MEGF8: variants seen among roughly 807,000 people sequenced by gnomAD.
The protein encoded by MEGF8 is multiple EGF like domains 8, also known as multiple epidermal growth factor-like domains protein 8.
In MEGF8, 156 loss-of-function variants were observed where a neutral mutation model predicts 302.9. The observed-to-expected ratio is 0.52, with a 90% CI of 0.45 to 0.59. The LOEUF is 0.59. Ranked by LOEUF, MEGF8 falls within the 20% of genes least tolerant of loss-of-function variation. MEGF8 has a pLI of 0.00. For synonymous variants in MEGF8, 1,621 were observed against 1,660.5 expected (o/e 0.98, Z 0.58); for missense variants, 3,345 against 3,964.5 (o/e 0.84, Z 4.20).
At position 42,357,310 on chromosome 19, in the gene MEGF8, C is replaced by T; in HGVS notation, c.4831-94C>T. Reference sequence around the variant, plus strand: ...GGGGGTCATTCCCTCCTTAGTACTTCAGGGAGGACTGTGGGGGGCTGAGGC... The same window carrying T: ...GGGGGTCATTCCCTCCTTAGTACTTTAGGGAGGACTGTGGGGGGCTGAGGC... On this transcript the variant is annotated intron_variant, in intron 27 of 41. Coordinates refer to ENST00000251268, the MANE Select transcript of MEGF8 (RefSeq NM_001271938.2). This position sits in a 1 kb window ranked among gnomAD's most constrained non-coding sequence, Gnocchi z 5.2. The T allele has an allele frequency of 6.9e-7, 1 of 1,442,762 alleles. No homozygotes were observed. Among genetic ancestry groups the T allele is most frequent in the Non-Finnish European group, 9.5e-7 (1 of 1,055,084 alleles). 89.4% of individuals were successfully genotyped at this position (1,442,762 alleles called of 1,614,324 possible). A position where few individuals can be genotyped will look rare whatever the true frequency, so the allele number is the denominator to read the frequency against.
intron 8 of MEGF8, 54 bp downstream of exon 8, chr19:42,337,260 T>C (rs1012041059): frequency 5.6e-6 from 9 of 1,609,178 alleles, no homozygotes; most frequent in Middle Eastern, 2.2e-4. Flanking sequence ...CCTCTCTCCA[T>C]AGTGATTCTG....
Position 42,344,611 on chromosome 19 carries a change from CA to C in MEGF8, c.1933+27del, listed in dbSNP as rs112308310. 1 of 1,578,738 alleles carries C rather than the reference CA, an allele frequency of 6.3e-7. No individual in the cohort carries two copies. Among genetic ancestry groups the C allele is most frequent in the Non-Finnish European group, 8.6e-7 (1 of 1,160,778 alleles). On this transcript the variant is annotated intron_variant, in intron 11 of 41. Transcript: ENST00000251268. The surrounding 1 kb of genome is among the most constrained non-coding windows in gnomAD (Gnocchi z 4.5). ...GTGAGTGTCCGCAGCAGTGGGCCGG[CA>C]GGAGGGGGCCAGAGCACTCCACACT... is the stretch of plus-strand genomic sequence containing the variant.
intron 1 of MEGF8, 55 bp from the exon 2 acceptor site, chr19:42,333,550 A>T: frequency 6.5e-7 from 1 of 1,546,552 alleles, no homozygotes; most frequent in Non-Finnish European, 8.8e-7. Context: ...GGCTGCAGGG[A>T]GGTGTGGGGA....
rs77014723 is a variant in MEGF8, at chr19:42,336,585, T to C, written c.1245-222T>C. Among the ~76,000 whole-genome samples the C allele has an allele frequency of 3.9e-5, 6 of 152,338 alleles. No individual in the cohort carries two copies. The East Asian group carries it at 7.7e-4, about 20-fold the overall frequency. On this transcript the variant is annotated intron_variant, in intron 6 of 41. Transcript: ENST00000251268. This position sits in a 1 kb window ranked among gnomAD's most constrained non-coding sequence, Gnocchi z 4.8. Reference sequence around the variant, plus strand: ...CCTTCCACACACTCCCACCCATGTATCTATTCAACAGAGCCCTGCTTGGTG... The same window carrying C: ...CCTTCCACACACTCCCACCCATGTACCTATTCAACAGAGCCCTGCTTGGTG...
At position 42,370,406 on chromosome 19, in the gene MEGF8, G is replaced by A. The variant is rs749317066; in HGVS notation, c.7005+47G>A. The stretch of plus-strand genomic sequence containing the variant: ...CCTGGGTCTGAGGGAGGAGGGGCTG[G>A]GGAGCTCCTGGGTCTGAGGGAGGAG... On this transcript the variant is annotated intron_variant, in intron 39 of 41. Transcript: ENST00000251268. 6.1e-6 allele frequency: 9 copies of A among 1,476,622 alleles called. No individual in the cohort carries two copies. The South Asian group carries it at 6.1e-5, about 10-fold the overall frequency. The allele number at this position is 1,476,622 out of a possible 1,614,324, so 91.5% of individuals were successfully genotyped here.
rs371400078 is a variant in MEGF8 at position 42,330,570 on chromosome 19, G to C, written c.188-3035G>C. On this transcript the variant is annotated intron_variant, in intron 1 of 41. Transcript: ENST00000251268. ...GGGGCTCTGGTTAGAGCCTGAGGGA[G>C]AGCTTCCAGCTTTAGTATTCTGTCT... Among the ~76,000 whole-genome samples, 81 of 152,318 alleles carry C rather than the reference G, an allele frequency of 5.3e-4. 1 individual carries two copies. In the South Asian group the frequency reaches 0.016, roughly 30 times the overall value.
intron 7 of MEGF8, 48 bp from the exon 8 acceptor site, chr19:42,337,036 C>T (rs781463411): frequency 2.5e-6 from 4 of 1,612,724 alleles, no homozygotes; most frequent in Non-Finnish European, 3.4e-6. Flanking sequence ...GGGGAGTCCC[C>T]CCACCTCCCC....
At chr19:42,334,577 C>T (rs1031691075) in intron 3 of MEGF8, among the ~76,000 whole-genome samples, 5 of 152,130 alleles carry the variant, frequency 3.3e-5, no homozygotes, top group Non-Finnish European at 2.9e-5. Flanking sequence ...GACCTTACGC[C>T]GAAGCTGTGT....
intron 15 of MEGF8, 83 bp downstream of exon 15, chr19:42,350,467 G>A: frequency 1.6e-6 from 2 of 1,277,048 alleles, no homozygotes; most frequent in Admixed American, 2.9e-5. Flanking sequence ...CCCTGGTGGG[G>A]GGTGTGGGGG....
chr19:42,347,209 C>G (rs950242602), intron 12 of MEGF8, among the ~76,000 whole-genome samples: 1 of 151,794 alleles, frequency 6.6e-6, no homozygotes, highest in African/African-American at 2.4e-5. Flanking sequence ...GACATCATAT[C>G]ATTTTTCTTT....
rs776680225 is a variant in MEGF8 at position 42,362,188 on chromosome 19, G to A, written c.5819G>A (p.Arg1940Gln). The A allele has an allele frequency of 2.5e-5, 40 of 1,610,498 alleles. No individual in the cohort carries two copies. Among genetic ancestry groups the A allele is most frequent in the Non-Finnish European group, 3.3e-5 (39 of 1,179,090 alleles). The change falls in exon 33 of 42, where the codon CGG becomes CAG. Residue 1940 changes from arginine to glutamine, a missense_variant. Coordinates refer to ENST00000251268, the MANE Select transcript of MEGF8 (RefSeq NM_001271938.2). Reference sequence around the variant, plus strand: ...AGTGAGTGCCTGGCCCGCCATCCTCGGACCCTGCAACCTGGAGATGGAGAG... The same window carrying A: ...AGTGAGTGCCTGGCCCGCCATCCTCAGACCCTGCAACCTGGAGATGGAGAG... ...TCSECLARHP[R>Q]TLQPGDGEAS...
At position 42,369,111 on chromosome 19, in the gene MEGF8, G is replaced by C. The variant is rs978560724; in HGVS notation, c.6641+109G>C. ...AGCAGGACAGAAGAAAAGAAAGCTC[G>C]AGGCATGAAGGCAGTGGGATTGATT... On this transcript the variant is annotated intron_variant, in intron 37 of 41. Transcript: ENST00000251268. The surrounding 1 kb of genome is among the most constrained non-coding windows in gnomAD (Gnocchi z 5.7). The C allele has an allele frequency of 7.3e-7, 1 of 1,378,740 alleles. No homozygotes were observed. Among genetic ancestry groups the C allele is most frequent in the African/African-American group, 1.4e-5 (1 of 69,344 alleles). The allele number at this position is 1,378,740 out of a possible 1,614,324, so 85.4% of individuals were successfully genotyped here.
In MEGF8 at chr19:42,357,234, A is replaced by G. The variant is rs552173880; in HGVS notation, c.4831-170A>G. ...CAGGCTTGAGCAGGTGGAAATGCCA[A>G]GGGGCCCACTGTGCCTCTGCCAGGA... On this transcript the variant is annotated intron_variant, in intron 27 of 41. Transcript: ENST00000251268. This position sits in a 1 kb window ranked among gnomAD's most constrained non-coding sequence, Gnocchi z 5.2. 1.8e-4 allele frequency among the ~76,000 whole-genome samples: 27 copies of G among 152,306 alleles called. No homozygotes were observed. Among genetic ancestry groups the G allele is most frequent in the African/African-American group, 6.5e-4 (27 of 41,576 alleles).
At position 42,375,845 on chromosome 19, in the gene MEGF8, AC is replaced by A. The variant is rs1316233946; in HGVS notation, c.7613del (p.Pro2538LeufsTer37). ...QPPPAPPPPP[P>X]PADGGPRGAG... ...CACCCCCAGCCCCACCACCTCCACC[AC>A]CCCCTGCAGATGGTGGGCCCCGGGG... On this transcript the variant is annotated frameshift_variant, in exon 42 of 42. Transcript: ENST00000251268. LOFTEE classifies it high-confidence loss of function. The surrounding 1 kb of genome is among the most constrained non-coding windows in gnomAD (Gnocchi z 7.1). The A allele has an allele frequency of 6.2e-7, 1 of 1,607,306 alleles. No homozygotes were observed. The highest frequency in any genetic ancestry group is 8.5e-7 in the Non-Finnish European group (1 of 1,177,828).
chr19:42,371,239 A>G, intron 40 of MEGF8, 111 bp from the exon 41 acceptor site: 1 of 1,416,940 alleles, frequency 7.1e-7, no homozygotes. Flanking sequence ...ACCTCTGTGA[A>G]CCTCAGTTTC....
chr19:42,349,630 T>A lies in MEGF8; in HGVS notation c.2430T>A (p.Asn810Lys). 1 of 1,612,102 alleles carries A rather than the reference T, an allele frequency of 6.2e-7. No individual in the cohort carries two copies. The highest frequency in any genetic ancestry group is 8.5e-7 in the Non-Finnish European group (1 of 1,179,836). The change falls in exon 14 of 42, where the codon AAT becomes AAA. Residue 810 changes from asparagine to lysine, a missense_variant. Coordinates refer to ENST00000251268, the MANE Select transcript of MEGF8 (RefSeq NM_001271938.2). Reference sequence around the variant, plus strand: ...CAGTAGAGATCCAGGGCCAGCTCAATGGCTCGGCAGGCCCTGGGCACAGCG... The same window carrying A: ...CAGTAGAGATCCAGGGCCAGCTCAAAGGCTCGGCAGGCCCTGGGCACAGCG... Reference protein sequence around the residue: ...KYAVEIQGQLNGSAGPGHSEL... With the variant: ...KYAVEIQGQLKGSAGPGHSEL...
At position 42,368,428 on chromosome 19, in the gene MEGF8, C is replaced by A. The variant is rs1435929520; in HGVS notation, c.6274-27C>A. On this transcript the variant is annotated intron_variant, in intron 35 of 41. Coordinates refer to ENST00000251268, the MANE Select transcript of MEGF8 (RefSeq NM_001271938.2). The surrounding 1 kb of genome is among the most constrained non-coding windows in gnomAD (Gnocchi z 4.9). Reference sequence around the variant, plus strand: ...TATTTCCCCATCTCTCTCTTCCCTGCATCCCCATCCCCTCCCCCCCATACA... The same window carrying A: ...TATTTCCCCATCTCTCTCTTCCCTGAATCCCCATCCCCTCCCCCCCATACA... 4 of 1,532,538 alleles carry A rather than the reference C, an allele frequency of 2.6e-6. No homozygotes were observed. The African/African-American group carries it at 4.1e-5, about 16-fold the overall frequency. The allele number at this position is 1,532,538 out of a possible 1,614,324, so 94.9% of individuals were successfully genotyped here.
rs1010408041 is a variant in MEGF8 at position 42,336,027 on chromosome 19, G to T, written c.925G>T (p.Ala309Ser). 2 of 1,565,014 alleles carry T rather than the reference G, an allele frequency of 1.3e-6. No homozygotes were observed. The highest frequency in any genetic ancestry group is 2.7e-5 in the African/African-American group (2 of 74,060). ...CGGCTCGCTCACCAACGACGTGTGGGCCTTCAGTCCACTGGGCAGGGGCCA... is the reference window on the plus strand; with the variant it reads ...CGGCTCGCTCACCAACGACGTGTGGTCCTTCAGTCCACTGGGCAGGGGCCA... ...ADGSLTNDVW[A>S]FSPLGRGHWE... The change falls in exon 6 of 42, where the codon GCC becomes TCC. Residue 309 changes from alanine to serine, a missense_variant. Physicochemically the swap from Ala to Ser is moderately conservative, Grantham distance 99 (BLOSUM62 1). Transcript: ENST00000251268. This position sits in a 1 kb window ranked among gnomAD's most constrained non-coding sequence, Gnocchi z 4.8.
At position 42,375,858 on chromosome 19, in the gene MEGF8, G is replaced by C. The variant is rs543549761; in HGVS notation, c.7621G>C (p.Gly2541Arg). The C allele has an allele frequency of 4.4e-5, 70 of 1,608,594 alleles. No individual in the cohort carries two copies. The East Asian group carries it at 8.7e-4, about 20-fold the overall frequency. ...APPPPPPPAD[G>R]GPRGAGDPGG... The stretch of plus-strand genomic sequence containing the variant: ...ACCACCTCCACCACCCCCTGCAGAT[G>C]GTGGGCCCCGGGGGGCTGGGGATCC... The change falls in exon 42 of 42, where the codon GGT becomes CGT. Residue 2541 changes from glycine to arginine, a missense_variant. By Grantham distance (125) the Gly-to-Arg change is moderately radical (BLOSUM62 -2). Coordinates refer to ENST00000251268, the MANE Select transcript of MEGF8 (RefSeq NM_001271938.2). The surrounding 1 kb of genome is among the most constrained non-coding windows in gnomAD (Gnocchi z 7.1).
Sources: allele counts gnomAD v4.1 joint callset (sites outside exome capture counted in the v4.1 genomes callset), GRCh38; gene constraint gnomAD v4.1.1; non-coding constraint Gnocchi (gnomAD v3.1); transcripts MANE v1.5; gene names NCBI Gene and HGNC (gene_info 2026-07-23, HGNC 2026-07-21).